SOCS5: variants seen among roughly 807,000 people sequenced by gnomAD.
The protein encoded by SOCS5 is suppressor of cytokine signaling 5.
Under a neutral mutation model 42.8 loss-of-function variants are expected in SOCS5, and 32 were observed. The observed-to-expected ratio is 0.75, with a 90% confidence interval of 0.56 to 1.01. The LOEUF is 1.01. SOCS5 is among the 50% of genes least tolerant of loss of function. The probability of loss-of-function intolerance (pLI) is 0.00; values close to 1 mark genes in which losing one functional copy is unlikely to be tolerated. For synonymous variants in SOCS5, 283 were observed against 229.6 expected (o/e 1.23, Z -2.10); for missense variants, 627 against 653.0 (o/e 0.96, Z 0.43).
At chr2:46,705,718 A>T (rs927636237) in intron 1 of SOCS5, among the ~76,000 whole-genome samples, 17 of 152,356 alleles carry the variant, frequency 1.1e-4, no homozygotes, top group African/African-American at 4.1e-4. Context: ...ACAGCAGTCC[A>T]ACCCCATTAT....
chr2:46,735,486 C>G (rs970406952), intron 1 of SOCS5, among the ~76,000 whole-genome samples: 1 of 152,092 alleles, frequency 6.6e-6, no homozygotes, highest in Non-Finnish European at 1.5e-5. Context: ...TGGCAGTCTG[C>G]CACATTACTC....
chr2:46,723,285 A>C (rs1440272669), intron 1 of SOCS5, among the ~76,000 whole-genome samples: 1 of 151,982 alleles, frequency 6.6e-6, no homozygotes, highest in Non-Finnish European at 1.5e-5. Flanking sequence ...ATAGGTTGGC[A>C]TTCTACAAAA....
chr2:46,705,494 C>T (rs1477389410), intron 1 of SOCS5, among the ~76,000 whole-genome samples: 1 of 152,162 alleles, frequency 6.6e-6, no homozygotes, highest in African/African-American at 2.4e-5. Flanking sequence ...TGTTGAAGGA[C>T]AGTGTGAAGA....
chr2:46,727,055 C>G (rs1175664844), intron 1 of SOCS5, among the ~76,000 whole-genome samples: 2 of 151,812 alleles, frequency 1.3e-5, no homozygotes, highest in African/African-American at 4.8e-5. Flanking sequence ...TGTGCCCAGC[C>G]TAAAATTTTC....
chr2:46,718,194 C>A (rs746886950), intron 1 of SOCS5, among the ~76,000 whole-genome samples: 9 of 152,114 alleles, frequency 5.9e-5, no homozygotes, highest in Admixed American at 2.0e-4. Context: ...GAATCACAAT[C>A]CTGTGCTGCC....
intron 1 of SOCS5, among the ~76,000 whole-genome samples, chr2:46,731,548 C>G (rs575734541): frequency 6.6e-6 from 1 of 152,212 alleles, no homozygotes; most frequent in Non-Finnish European, 1.5e-5. Flanking sequence ...AAAGGACTTA[C>G]GCAAAAATGT....
intron 1 of SOCS5, among the ~76,000 whole-genome samples, chr2:46,724,472 T>G (rs755370624): frequency 3.3e-5 from 5 of 151,988 alleles, no homozygotes; most frequent in Non-Finnish European, 7.4e-5. Context: ...GACAGTTAGA[T>G]TACTGATTTG....
intron 1 of SOCS5, among the ~76,000 whole-genome samples, chr2:46,707,493 A>G (rs1156536910): frequency 1.3e-5 from 2 of 152,248 alleles, no homozygotes; most frequent in African/African-American, 4.8e-5. Context: ...GAAAGGACAT[A>G]GAGTGTTTAA....
chr2:46,737,654 C>T (rs1211211806), intron 1 of SOCS5, among the ~76,000 whole-genome samples: 1 of 152,136 alleles, frequency 6.6e-6, no homozygotes, highest in Admixed American at 6.5e-5. Flanking sequence ...ATAATTCATG[C>T]ATTTACATAG....
intron 1 of SOCS5, among the ~76,000 whole-genome samples, chr2:46,726,799 CA>C (rs1314498430): frequency 1.3e-5 from 2 of 150,982 alleles, no homozygotes; most frequent in Non-Finnish European, 2.9e-5. Context: ...TCTTGTTGCC[CA>C]GGCTGGAGTG....
At chr2:46,727,907 C>T (rs962069326) in intron 1 of SOCS5, among the ~76,000 whole-genome samples, 5 of 152,060 alleles carry the variant, frequency 3.3e-5, no homozygotes, top group Admixed American at 2.6e-4. Context: ...ATTGCACCCA[C>T]ATCCAGGGCT....
At chr2:46,736,842 A>ATTT (rs113762422) in intron 1 of SOCS5, among the ~76,000 whole-genome samples, 2 of 147,188 alleles carry the variant, frequency 1.4e-5, no homozygotes, top group Admixed American at 6.8e-5. Context: ...TGGATTTCAG[A>ATTT]TTTTTTTTTT....
intron 1 of SOCS5, among the ~76,000 whole-genome samples, chr2:46,704,641 T>G (rs1672421438): frequency 6.6e-6 from 1 of 152,168 alleles, no homozygotes; most frequent in African/African-American, 2.4e-5. Context: ...TCAACACAGG[T>G]CTTGTAAGCC....
At chr2:46,739,325 T>C (rs1346650702) in intron 1 of SOCS5, among the ~76,000 whole-genome samples, 4 of 152,154 alleles carry the variant, frequency 2.6e-5, no homozygotes, top group Non-Finnish European at 5.9e-5. Flanking sequence ...AATAGTCTTG[T>C]GTAGGGGTGA....
At position 46,705,525 on chromosome 2, in the gene SOCS5, A is replaced by G. The variant is rs186292055; in HGVS notation, c.-13+6076A>G. ...GAAGAAACTGAGTTTGTTTTTTCCTAGATTACCAGACAGGAAAGCGCCTGA... is the reference window on the plus strand; with the variant it reads ...GAAGAAACTGAGTTTGTTTTTTCCTGGATTACCAGACAGGAAAGCGCCTGA... On this transcript the variant is annotated intron_variant, in intron 1 of 1. Coordinates refer to ENST00000394861, the MANE Select transcript of SOCS5 (RefSeq NM_144949.3). Among the ~76,000 whole-genome samples the G allele has an allele frequency of 5.9e-5, 9 of 151,954 alleles. No homozygotes were observed. The East Asian group carries it at 1.7e-3, about 29-fold the overall frequency.
intron 1 of SOCS5, among the ~76,000 whole-genome samples, chr2:46,713,352 G>T (rs929873981): frequency 2.0e-5 from 3 of 151,856 alleles, no homozygotes; most frequent in Admixed American, 6.6e-5. Context: ...TGAGTCTCTG[G>T]GTCTAAAACA....
At chr2:46,732,574 A>T (rs1039338201) in intron 1 of SOCS5, among the ~76,000 whole-genome samples, 11 of 152,220 alleles carry the variant, frequency 7.2e-5, no homozygotes, top group Non-Finnish European at 1.2e-4. Context: ...CACTTGAAAG[A>T]ATTTACATTT....
chr2:46,710,466 T>G (rs1377952055), intron 1 of SOCS5, among the ~76,000 whole-genome samples: 3 of 151,938 alleles, frequency 2.0e-5, no homozygotes, highest in Non-Finnish European at 4.4e-5. Flanking sequence ...TTTTAAAAAG[T>G]GGAAGTGTAA....
Position 46,753,066 on chromosome 2 carries a change from T to G in SOCS5, c.-12-5453T>G, listed in dbSNP as rs183088336. Among the ~76,000 whole-genome samples, 12 of 152,336 alleles carry G rather than the reference T, an allele frequency of 7.9e-5. No individual in the cohort carries two copies. In the East Asian group the frequency reaches 2.1e-3, roughly 27 times the overall value. ...CTCTCTTATCATGGATTATGAGGCT[T>G]ACCTCTCCAACTTCATCTTGACACA... On this transcript the variant is annotated intron_variant, in intron 1 of 1. Transcript: ENST00000394861.
Sources: gnomAD v4.1 joint callset for allele counts (sites outside exome capture counted in the v4.1 genomes callset) on GRCh38, gnomAD v4.1.1 for gene constraint, MANE v1.5 for transcripts, NCBI Gene and HGNC (gene_info 2026-07-23, HGNC 2026-07-21) for gene names.